The following ATP13A4 variants were observed in gnomAD, a reference collection of about 807,000 sequenced individuals.
ATP13A4 encodes probable cation-transporting ATPase 13A4.
Under a neutral mutation model 142.5 loss-of-function variants are expected in ATP13A4, and 114 were observed. The observed-to-expected ratio is 0.80, with a 90% confidence interval of 0.69 to 0.93. The LOEUF (loss-of-function observed/expected upper bound fraction) is 0.93. ATP13A4 is among the 40% of genes least tolerant of loss of function. ATP13A4 has a pLI of 0.00. For synonymous variants in ATP13A4, 488 were observed against 514.8 expected, an observed-to-expected ratio of 0.95 and a Z score of 0.70; for missense variants, 1,392 against 1,454.0, an observed-to-expected ratio of 0.96 and a Z score of 0.69.
At chr3:193,556,376 T>C (rs183452085), upstream of ATP13A4, among the ~76,000 whole-genome samples, 1 of 152,300 alleles carries the variant, frequency 6.6e-6, no homozygotes, top group Admixed American at 6.5e-5. Context: ...TGTGTGTGTG[T>C]ATATGTTGTA....
intron 2 of ATP13A4, chr3:193,578,988 C>G (rs969038463): frequency 4.8e-6 from 1 of 208,080 alleles, no homozygotes; most frequent in Non-Finnish European, 1.0e-5. Flanking sequence ...TTTTTCACAC[C>G]CTGTGTGTAA....
intron 17 of ATP13A4, among the ~76,000 whole-genome samples, chr3:193,449,112 C>T (rs1458280412): frequency 6.6e-6 from 1 of 152,206 alleles, no homozygotes; most frequent in East Asian, 1.9e-4. Context: ...AGGTAAAGCT[C>T]ATCCCTTTCT....
At position 193,457,397 on chromosome 3, in the gene ATP13A4, G is replaced by A. The variant is rs2108636231; in HGVS notation, c.1743C>T (p.Pro581=). The A allele has an allele frequency of 6.2e-7, 1 of 1,614,194 alleles. No individual in the cohort carries two copies. Among genetic ancestry groups the A allele is most frequent in the Non-Finnish European group, 8.5e-7 (1 of 1,180,026 alleles). The change falls in exon 15 of 30, where the codon CCC becomes CCT. Residue 581 remains proline, a synonymous_variant. Coordinates refer to ENST00000342695, the MANE Select transcript of ATP13A4 (RefSeq NM_032279.4). The part of the protein sequence containing the change: ...GVPAHAMVVK[P]CRTASQVPVE... ...GGCTTACCTGGCTGGCTGTTCTGCA[G>A]GGCTTAACTACCATGGCATGTGCCG...
intron 1 of ATP13A4, among the ~76,000 whole-genome samples, chr3:193,533,188 T>C (rs1722420891): frequency 6.6e-6 from 1 of 152,156 alleles, no homozygotes; most frequent in South Asian, 2.1e-4. Context: ...AAGAGCAGCC[T>C]GGGCTAAATA....
chr3:193,471,735 T>C (rs1001039392), intron 8 of ATP13A4, among the ~76,000 whole-genome samples: 16 of 152,126 alleles, frequency 1.1e-4, no homozygotes, highest in African/African-American at 3.9e-4. Context: ...TGCAAAGCTG[T>C]TCATTCTTAC....
chr3:193,411,607 T>A (rs1714769283), intron 27 of ATP13A4, among the ~76,000 whole-genome samples: 1 of 152,218 alleles, frequency 6.6e-6, no homozygotes, highest in South Asian at 2.1e-4. Context: ...AGAGTAGTGA[T>A]GATATACAAA....
chr3:193,475,059 G>A (rs933513214), intron 8 of ATP13A4, among the ~76,000 whole-genome samples: 1 of 151,996 alleles, frequency 6.6e-6, no homozygotes. Flanking sequence ...ATGTAAACTG[G>A]CACAATCTTT....
At chr3:193,550,597 C>T (rs1461843226) in intron 1 of ATP13A4, among the ~76,000 whole-genome samples, 3 of 152,166 alleles carry the variant, frequency 2.0e-5, no homozygotes, top group Non-Finnish European at 2.9e-5. Flanking sequence ...TGAGCCATGG[C>T]GCGCAGCCTG....
At chr3:193,456,974 G>C in intron 16 of ATP13A4, 26 bp downstream of exon 16, 1 of 1,600,452 alleles carries the variant, frequency 6.2e-7, no homozygotes, top group Non-Finnish European at 8.5e-7. Context: ...AGATTTGCCA[G>C]GTGTAATCCA....
intron 29 of ATP13A4, 42 bp from the exon 30 acceptor site, chr3:193,402,906 T>G (rs1342935843): frequency 1.3e-6 from 2 of 1,573,856 alleles, no homozygotes; most frequent in Non-Finnish European, 1.7e-6. Flanking sequence ...AAGGGTTGAG[T>G]GTTTTGAGGC....
intron 1 of ATP13A4, among the ~76,000 whole-genome samples, chr3:193,543,558 A>G: frequency 6.6e-6 from 1 of 152,220 alleles, no homozygotes; most frequent in Non-Finnish European, 1.5e-5. Context: ...AGCCGATCTT[A>G]ACCAACTGGT....
At chr3:193,551,827 C>T (rs1723588447) in intron 1 of ATP13A4, among the ~76,000 whole-genome samples, 1 of 152,202 alleles carries the variant, frequency 6.6e-6, no homozygotes, top group South Asian at 2.1e-4. Flanking sequence ...CACTTTCTCA[C>T]CTTTCCTTCC....
At chr3:193,535,997 T>G (rs748748226) in intron 1 of ATP13A4, among the ~76,000 whole-genome samples, 1 of 151,964 alleles carries the variant, frequency 6.6e-6, no homozygotes, top group Non-Finnish European at 1.5e-5. Context: ...ACTTCCTAAA[T>G]TTTCAAAGAA....
chr3:193,433,961 G>A (rs1363886031), intron 24 of ATP13A4, 44 bp from the exon 25 acceptor site: 2 of 1,427,192 alleles, frequency 1.4e-6, no homozygotes, highest in Admixed American at 1.7e-5. Flanking sequence ...GTGACCTTCT[G>A]GATGAAATTA....
At chr3:193,536,153 C>A (rs1722581686) in intron 1 of ATP13A4, among the ~76,000 whole-genome samples, 1 of 151,886 alleles carries the variant, frequency 6.6e-6, no homozygotes, top group Non-Finnish European at 1.5e-5. Context: ...TAGCATTACC[C>A]TGATAATAAA....
At chr3:193,539,798 A>T (rs540021517) in intron 1 of ATP13A4, among the ~76,000 whole-genome samples, 1 of 152,346 alleles carries the variant, frequency 6.6e-6, no homozygotes, top group African/African-American at 2.4e-5. Flanking sequence ...TGGGTATAGG[A>T]CGTAGTAGTT....
intron 3 of ATP13A4, among the ~76,000 whole-genome samples, chr3:193,498,039 T>C (rs1359401117): frequency 1.3e-5 from 2 of 152,180 alleles, no homozygotes; most frequent in African/African-American, 4.8e-5. Flanking sequence ...TATTGTATTG[T>C]ATATTCCAAA....
At chr3:193,405,499 T>C (rs1460327834) in intron 29 of ATP13A4, among the ~76,000 whole-genome samples, 1 of 152,192 alleles carries the variant, frequency 6.6e-6, no homozygotes, top group Non-Finnish European at 1.5e-5. Context: ...TGCTGTGGCC[T>C]CTCCTTCCAT....
chr3:193,558,239 A>G (rs1723944866), upstream of ATP13A4, among the ~76,000 whole-genome samples: 1 of 152,236 alleles, frequency 6.6e-6, no homozygotes, highest in African/African-American at 2.4e-5. Flanking sequence ...TATTTCTCTT[A>G]GGAACATTGT....
Sources: gnomAD v4.1 joint callset for allele counts (sites outside exome capture counted in the v4.1 genomes callset) on GRCh38, gnomAD v4.1.1 for gene constraint, MANE v1.5 for transcripts, NCBI Gene and HGNC (gene_info 2026-07-23, HGNC 2026-07-21) for gene names.